The following AGBL4 variants were observed in gnomAD, a reference collection of about 807,000 sequenced individuals.
AGBL4 encodes the protein cytosolic carboxypeptidase 6.
A neutral mutation model predicts 66.4 loss-of-function variants in AGBL4; 58 were observed. The observed-to-expected ratio is 0.87, with a 90% CI of 0.71 to 1.09. The LOEUF (loss-of-function observed/expected upper bound fraction) is 1.09. Ranked by LOEUF, AGBL4 falls within the 50% of genes least tolerant of loss-of-function variation. The pLI is 0.00. For synonymous variants in AGBL4, 234 were observed against 222.9 expected, an observed-to-expected ratio of 1.05 and a Z score of -0.44; for missense variants, 579 against 631.0, an observed-to-expected ratio of 0.92 and a Z score of 0.88.
intron 3 of AGBL4, among the ~76,000 whole-genome samples, chr1:49,685,960 A>G (rs1646780256): frequency 6.6e-6 from 1 of 152,146 alleles, no homozygotes; most frequent in Non-Finnish European, 1.5e-5. Flanking sequence ...ATTTGTTAAT[A>G]AAATCTTTAC....
intron 3 of AGBL4, among the ~76,000 whole-genome samples, chr1:49,450,660 A>G (rs761080175): frequency 2.0e-5 from 3 of 152,100 alleles, no homozygotes; most frequent in Non-Finnish European, 4.4e-5. Flanking sequence ...TTTCAAAGGA[A>G]TAGTCTAATT....
intron 5 of AGBL4, among the ~76,000 whole-genome samples, chr1:48,949,370 T>C (rs1380265963): frequency 6.6e-6 from 1 of 152,210 alleles, no homozygotes; most frequent in Non-Finnish European, 1.5e-5. Flanking sequence ...GGCAATAGAT[T>C]CTGAGCAGAT....
intron 4 of AGBL4, among the ~76,000 whole-genome samples, chr1:49,084,662 A>G (rs1644871922): frequency 6.6e-6 from 1 of 152,188 alleles, no homozygotes; most frequent in Non-Finnish European, 1.5e-5. Flanking sequence ...GCCAAACCAT[A>G]TCACTGAGTT....
chr1:49,946,304 T>G (rs1655200415), intron 1 of AGBL4, among the ~76,000 whole-genome samples: 1 of 152,064 alleles, frequency 6.6e-6, no homozygotes. Context: ...GACGATATGA[T>G]AGCCTACAAA....
chr1:49,441,866 G>T (rs1557943966), intron 3 of AGBL4, among the ~76,000 whole-genome samples: 1 of 152,110 alleles, frequency 6.6e-6, no homozygotes, highest in African/African-American at 2.4e-5. Context: ...ATCACCCAAT[G>T]GGCCAATGAA....
chr1:49,284,877 T>C (rs1382581353), intron 3 of AGBL4, among the ~76,000 whole-genome samples: 9 of 150,426 alleles, frequency 6.0e-5, no homozygotes, highest in African/African-American at 2.2e-4. Flanking sequence ...ATAAAGCAAG[T>C]CCTGAGTGAC....
chr1:49,339,870 G>C (rs1645504000), intron 3 of AGBL4, among the ~76,000 whole-genome samples: 1 of 152,156 alleles, frequency 6.6e-6, no homozygotes, highest in African/African-American at 2.4e-5. Context: ...TTTCAAGCTA[G>C]TCATCAAAGA....
chr1:49,025,792 T>C (rs1663620893), intron 5 of AGBL4: 1 of 152,126 alleles, frequency 6.6e-6, no homozygotes, highest in South Asian at 2.1e-4. Flanking sequence ...ATATATTTAA[T>C]GAAAAAATAA....
intron 1 of AGBL4, among the ~76,000 whole-genome samples, chr1:49,947,073 G>C (rs1655278002): frequency 6.6e-6 from 1 of 150,810 alleles, no homozygotes; most frequent in Non-Finnish European, 1.5e-5. Context: ...AAAAAAAAAA[G>C]TTCAAGACCA....
At chr1:49,827,202 G>T (rs1194141700) in intron 2 of AGBL4, among the ~76,000 whole-genome samples, 3 of 152,012 alleles carry the variant, frequency 2.0e-5, no homozygotes, top group African/African-American at 7.2e-5. Context: ...GAGATATGCG[G>T]TATATCAGTA....
chr1:48,524,800 T>C, the AGBL4 span, among the ~76,000 whole-genome samples: 1 of 151,920 alleles, frequency 6.6e-6, no homozygotes, highest in Non-Finnish European at 1.5e-5. Context: ...AAATACATCA[T>C]AGTCAATTTA....
intron 9 of AGBL4, among the ~76,000 whole-genome samples, chr1:48,624,609 C>G (rs2148401359): frequency 6.6e-6 from 1 of 152,276 alleles, no homozygotes; most frequent in Non-Finnish European, 1.5e-5. Flanking sequence ...GTCAACTGCT[C>G]AAGAGGTTCT....
chr1:48,568,243 T>C (rs992507256), intron 11 of AGBL4, among the ~76,000 whole-genome samples: 1 of 152,148 alleles, frequency 6.6e-6, no homozygotes, highest in Non-Finnish European at 1.5e-5. Context: ...ATTGCATCTC[T>C]TGCACTCTCT....
intron 4 of AGBL4, among the ~76,000 whole-genome samples, chr1:49,122,134 G>A (rs2148047352): frequency 6.6e-6 from 1 of 152,328 alleles, no homozygotes; most frequent in South Asian, 2.1e-4. Flanking sequence ...CCTTGGCTAG[G>A]AAAGGGAAAT....
At chr1:48,759,643 C>A (rs541190696) in intron 6 of AGBL4, among the ~76,000 whole-genome samples, 1 of 152,316 alleles carries the variant, frequency 6.6e-6, no homozygotes, top group South Asian at 2.1e-4. Flanking sequence ...CAGTGGCTTG[C>A]TCATGGGGGT....
chr1:48,540,271 T>A (rs1644044369), intron 11 of AGBL4, among the ~76,000 whole-genome samples: 1 of 152,220 alleles, frequency 6.6e-6, no homozygotes, highest in Non-Finnish European at 1.5e-5. Flanking sequence ...TTGAAATTCC[T>A]CTGACAATGA....
At chr1:48,638,399 T>C (rs536852871) in intron 8 of AGBL4, among the ~76,000 whole-genome samples, 5 of 152,350 alleles carry the variant, frequency 3.3e-5, no homozygotes, top group South Asian at 4.1e-4. Flanking sequence ...TTTTATCATA[T>C]GTATAAAGAG....
chr1:48,727,871 T>A, intron 6 of AGBL4: 1 of 1,598,400 alleles, frequency 6.3e-7, no homozygotes, highest in Non-Finnish European at 8.6e-7. Context: ...GAAAGCTTTA[T>A]GAAAAATCCA....
chr1:49,202,748 A>G (rs186948471), intron 4 of AGBL4, among the ~76,000 whole-genome samples: 54 of 152,258 alleles, frequency 3.5e-4, no homozygotes, highest in African/African-American at 1.2e-3. Flanking sequence ...AAAAGCAAAA[A>G]TAGACAAATG....
Sources: gnomAD v4.1 joint callset for allele counts (sites outside exome capture counted in the v4.1 genomes callset) on GRCh38, gnomAD v4.1.1 for gene constraint, MANE v1.5 for transcripts, NCBI Gene and HGNC (gene_info 2026-07-23, HGNC 2026-07-21) for gene names.